Variants in CELF2 observed in about 807,000 individuals in gnomAD.
The protein encoded by CELF2 is CUGBP Elav-like family member 2.
A neutral mutation model predicts 62.6 loss-of-function variants in CELF2; 8 were observed. The observed-to-expected ratio is 0.13, with a 90% confidence interval of 0.07 to 0.23. The LOEUF (loss-of-function observed/expected upper bound fraction) is 0.23. Among genes scored for constraint, CELF2 ranks in the 10% least tolerant of loss-of-function variants. The probability of loss-of-function intolerance (pLI) is 1.00; values close to 1 mark genes in which losing one functional copy is unlikely to be tolerated. For synonymous variants in CELF2, 258 were observed against 250.0 expected, an observed-to-expected ratio of 1.03 and a Z score of -0.30; for missense variants, 333 against 671.0, an observed-to-expected ratio of 0.50 and a Z score of 5.56.
At chr10:10,467,993 G>A in the CELF2 span, among the ~76,000 whole-genome samples, 3 of 151,988 alleles carry the variant, frequency 2.0e-5, no homozygotes, top group Non-Finnish European at 4.4e-5. Flanking sequence ...CTGATGACAA[G>A]GCAACATGTT....
chr10:10,665,161 T>C, the CELF2 span, among the ~76,000 whole-genome samples: 79 of 152,128 alleles, frequency 5.2e-4, no homozygotes, highest in Non-Finnish European at 5.3e-4. Context: ...GAAGAAAAAT[T>C]AATGTTAAAC....
At chr10:10,959,202 A>G (rs550189779) in intron 2 of CELF2, among the ~76,000 whole-genome samples, 1 of 152,268 alleles carries the variant, frequency 6.6e-6, no homozygotes, top group African/African-American at 2.4e-5. Flanking sequence ...AATCACTTGA[A>G]CCTGGGAGGC....
In CELF2 at chr10:11,334,219, T is replaced by G. The variant is rs749064040; in HGVS notation, c.*5166T>G. ...AGGGTTTGCTTTTTTGCTGTTTAGA[T>G]CAAAGTTTTTTCTGATTCTTCTGTC... On this transcript the variant is annotated 3_prime_UTR_variant, in exon 13 of 13. Transcript: ENST00000633077. 7 of 152,678 alleles carry G rather than the reference T, an allele frequency of 4.6e-5. No homozygotes were observed. The highest frequency in any genetic ancestry group is 8.8e-5 in the Non-Finnish European group (6 of 68,038). 9.5% of individuals were successfully genotyped at this position (152,678 alleles called of 1,614,324 possible).
intron 9 of CELF2, among the ~76,000 whole-genome samples, chr10:11,304,272 C>T (rs754300589): frequency 2.6e-5 from 4 of 152,118 alleles, no homozygotes; most frequent in Admixed American, 1.3e-4. Flanking sequence ...GCCAGCAAGT[C>T]CTCATGCTGC....
At chr10:10,518,015 C>T in the CELF2 span, among the ~76,000 whole-genome samples, 3 of 152,186 alleles carry the variant, frequency 2.0e-5, no homozygotes, top group South Asian at 2.1e-4. Flanking sequence ...TGACAAACCA[C>T]GTTACAACCA....
intron 1 of CELF2, among the ~76,000 whole-genome samples, chr10:11,140,385 A>G (rs919508765): frequency 3.3e-5 from 5 of 151,860 alleles, no homozygotes; most frequent in African/African-American, 9.7e-5. Flanking sequence ...GGATTACAGG[A>G]GTGAGTCACC....
At chr10:10,745,486 G>T in the CELF2 span, among the ~76,000 whole-genome samples, 1 of 152,078 alleles carries the variant, frequency 6.6e-6, no homozygotes, top group Admixed American at 6.6e-5. Context: ...CTTTGAAGTC[G>T]AGAGCTTGGC....
chr10:10,730,559 A>G, the CELF2 span, among the ~76,000 whole-genome samples: 1 of 152,370 alleles, frequency 6.6e-6, no homozygotes, highest in East Asian at 1.9e-4. Flanking sequence ...CCTACTAGTA[A>G]CTGAAAACAC....
the CELF2 span, among the ~76,000 whole-genome samples, chr10:10,685,242 C>CT: frequency 6.6e-6 from 1 of 152,138 alleles, no homozygotes; most frequent in Admixed American, 6.5e-5. Context: ...CTGTCATCTG[C>CT]TTTTTGGTGG....
chr10:11,229,036 G>T (rs528516546), intron 3 of CELF2, among the ~76,000 whole-genome samples: 1 of 152,318 alleles, frequency 6.6e-6, no homozygotes, highest in East Asian at 1.9e-4. Flanking sequence ...AGCACGTCCT[G>T]TCCAAGCTCC....
the CELF2 span, among the ~76,000 whole-genome samples, chr10:10,677,503 A>T: frequency 1.3e-5 from 2 of 152,212 alleles, no homozygotes; most frequent in Non-Finnish European, 2.9e-5. Context: ...TGAAAAATGC[A>T]TATCCCTGGG....
chr10:11,159,136 A>G lies in CELF2; in HGVS notation c.75-6350A>G, dbSNP rs966425822. ...CATCTCAGAGATGGTTTGGGGCCTC[A>G]TTCCATAATTTATGTGGCAGTGACT... On this transcript the variant is annotated intron_variant, in intron 1 of 12. Coordinates refer to ENST00000633077, the MANE Select transcript of CELF2 (RefSeq NM_001326342.2). The surrounding 1 kb of genome is among the most constrained non-coding windows in gnomAD (Gnocchi z 5.0). Among the ~76,000 whole-genome samples the G allele has an allele frequency of 3.9e-5, 6 of 152,244 alleles. No individual in the cohort carries two copies. Among genetic ancestry groups the G allele is most frequent in the Admixed American group, 2.6e-4 (4 of 15,288 alleles).
At chr10:11,038,740 A>T (rs2061361990) in intron 1 of CELF2, among the ~76,000 whole-genome samples, 1 of 152,234 alleles carries the variant, frequency 6.6e-6, no homozygotes, top group Non-Finnish European at 1.5e-5. Context: ...AAGGATTATT[A>T]TTTTAAATGG....
At chr10:10,811,829 G>C (rs558821138) in intron 1 of CELF2, among the ~76,000 whole-genome samples, 1 of 152,142 alleles carries the variant, frequency 6.6e-6, no homozygotes, top group Non-Finnish European at 1.5e-5. Flanking sequence ...TGTTGAGTCT[G>C]TGGTTTTTAT....
At chr10:10,526,582 C>T in the CELF2 span, among the ~76,000 whole-genome samples, 19 of 152,294 alleles carry the variant, frequency 1.2e-4, no homozygotes, top group African/African-American at 4.6e-4. Context: ...AATTCAACTC[C>T]CTCCTGGACT....
At chr10:10,720,682 CA>C in the CELF2 span, among the ~76,000 whole-genome samples, 15 of 152,224 alleles carry the variant, frequency 9.9e-5, no homozygotes, top group African/African-American at 3.4e-4. Context: ...TACAAAGCAT[CA>C]TTTAGGTCTG....
At chr10:10,751,536 C>CT in the CELF2 span, among the ~76,000 whole-genome samples, 4 of 152,016 alleles carry the variant, frequency 2.6e-5, no homozygotes, top group Non-Finnish European at 5.9e-5. Flanking sequence ...TGTTTTTTGC[C>CT]TTTTTTTCTC....
intron 1 of CELF2, among the ~76,000 whole-genome samples, chr10:11,056,776 G>A (rs747331965): frequency 3.9e-5 from 6 of 152,224 alleles, no homozygotes; most frequent in Non-Finnish European, 7.3e-5. Flanking sequence ...AAGAGCCAGT[G>A]TTAGAAGCAA....
In CELF2 at chr10:11,270,858, C is replaced by A. The variant is rs761320852; in HGVS notation, c.777+34C>A. 5 of 1,340,668 alleles carry A rather than the reference C, an allele frequency of 3.7e-6. No homozygotes were observed. In the South Asian group the frequency reaches 1.2e-4, roughly 31 times the overall value. 83.0% of individuals were successfully genotyped at this position (1,340,668 alleles called of 1,614,324 possible). A position where few individuals can be genotyped will look rare whatever the true frequency, so the allele number is the denominator to read the frequency against. On this transcript the variant is annotated intron_variant, in intron 7 of 12. Coordinates refer to ENST00000633077, the MANE Select transcript of CELF2 (RefSeq NM_001326342.2). This position sits in a 1 kb window ranked among gnomAD's most constrained non-coding sequence, Gnocchi z 5.8. The stretch of plus-strand genomic sequence containing the variant: ...TGGGCAATGCCGGCGTGGTCTTCAC[C>A]CGCTGAAACTCTGCAAACTGACTTT...
Sources: gnomAD v4.1 joint callset for allele counts (sites outside exome capture counted in the v4.1 genomes callset) on GRCh38, gnomAD v4.1.1 for gene constraint, Gnocchi (gnomAD v3.1) non-coding constraint, MANE v1.5 for transcripts, NCBI Gene and HGNC (gene_info 2026-07-23, HGNC 2026-07-21) for gene names.